PKD1L1: variants seen among roughly 807,000 people sequenced by gnomAD.
PKD1L1 encodes polycystin-1-like protein 1.
Under a neutral mutation model 323.4 loss-of-function variants are expected in PKD1L1, and 236 were observed. That is an observed-to-expected ratio of 0.73 (90% CI 0.66 to 0.81). The LOEUF (loss-of-function observed/expected upper bound fraction) is 0.81, where lower values mean the gene tolerates loss of function less well. PKD1L1 is among the 40% of genes least tolerant of loss of function. The pLI is 0.00. For synonymous variants in PKD1L1, 1,344 were observed against 1,335.0 expected, an observed-to-expected ratio of 1.01 and a Z score of -0.15; for missense variants, 3,320 against 3,508.0, an observed-to-expected ratio of 0.95 and a Z score of 1.35.
intron 11 of PKD1L1, 102 bp from the exon 12 acceptor site, chr7:47,904,719 AG>A: frequency 1.8e-6 from 2 of 1,131,952 alleles, no homozygotes; most frequent in Admixed American, 2.7e-5. Context: ...AAGGCGGGGG[AG>A]GGGGAGGCAG....
intron 56 of PKD1L1, among the ~76,000 whole-genome samples, chr7:47,789,580 G>A (rs1315968969): frequency 6.6e-6 from 1 of 152,022 alleles, no homozygotes; most frequent in African/African-American, 2.4e-5. Context: ...GTATATTTGT[G>A]TGTGTTGTGA....
chr7:47,933,070 A>C (rs1787802829), intron 4 of PKD1L1, among the ~76,000 whole-genome samples: 2 of 152,214 alleles, frequency 1.3e-5, no homozygotes, highest in Admixed American at 1.3e-4. Context: ...GATGATGAGA[A>C]AGAAAAAGAA....
At chr7:47,841,018 C>T (rs1489144702) in intron 34 of PKD1L1, among the ~76,000 whole-genome samples, 1 of 152,198 alleles carries the variant, frequency 6.6e-6, no homozygotes, top group Non-Finnish European at 1.5e-5. Flanking sequence ...TTGTCGTTCT[C>T]ACTGGTATCT....
At chr7:47,838,940 T>TGAAATGTG (rs1480760930) in intron 36 of PKD1L1, among the ~76,000 whole-genome samples, 1 of 150,786 alleles carries the variant, frequency 6.6e-6, no homozygotes, top group Non-Finnish European at 1.5e-5. Flanking sequence ...CACAATTGTA[T>TGAAATGTG]GAAATGTGTT....
In PKD1L1 at chr7:47,855,851, G is replaced by C. The variant is rs532580589; in HGVS notation, c.4591-586C>G. On this transcript the variant is annotated intron_variant, in intron 28 of 56. Coordinates refer to ENST00000289672, the MANE Select transcript of PKD1L1 (RefSeq NM_138295.5). The stretch of plus-strand genomic sequence containing the variant: ...AGATCCCGCCACTGCACTCCAGCCT[G>C]GGCGACAGAGCGAGACTCCGTCTCA... 6.1e-4 allele frequency among the ~76,000 whole-genome samples: 46 copies of C among 75,674 alleles called. 4 individuals carry two copies. Among genetic ancestry groups the C allele is most frequent in the South Asian group, 1.1e-3 (3 of 2,838 alleles). 49.6% of individuals were successfully genotyped at this position (75,674 alleles called of 152,430 possible).
chr7:47,789,291 G>T (rs1786884933), intron 56 of PKD1L1, among the ~76,000 whole-genome samples: 1 of 152,042 alleles, frequency 6.6e-6, no homozygotes, highest in Non-Finnish European at 1.5e-5. Context: ...AAGTCAGTTT[G>T]TTGCATAATA....
intron 26 of PKD1L1, among the ~76,000 whole-genome samples, chr7:47,859,553 C>A (rs1785979501): frequency 6.6e-6 from 1 of 151,108 alleles, no homozygotes; most frequent in African/African-American, 2.4e-5. Flanking sequence ...AGCATAGCTC[C>A]CTGCAGACTT....
In PKD1L1 at chr7:47,827,444, G is replaced by C; in HGVS notation, c.6760C>G (p.Arg2254Gly). The change falls in exon 45 of 57, where the codon CGC becomes GGC. Residue 2254 changes from arginine (R) to glycine (G), a missense_variant. Transcript: ENST00000289672. ...EKVLAARQQA[R>G]HLRWAHPPSK... ...GGTGGATGCGCCCAGCGCAGGTGGC[G>C]AGCTTGTTGTCGGGCAGCCAAGACC... 1.2e-5 allele frequency: 19 copies of C among 1,611,106 alleles called. No individual in the cohort carries two copies. The highest frequency in any genetic ancestry group is 1.6e-5 in the Non-Finnish European group (19 of 1,179,356).
intron 30 of PKD1L1, among the ~76,000 whole-genome samples, 191 bp downstream of exon 30, chr7:47,854,691 G>A (rs1484739914): frequency 1.3e-5 from 2 of 152,138 alleles, no homozygotes; most frequent in Non-Finnish European, 2.9e-5. Context: ...TAACAGGCAG[G>A]AATTCAAACT....
At chr7:47,861,741 C>T (rs1786028974) in intron 26 of PKD1L1, among the ~76,000 whole-genome samples, 1 of 151,860 alleles carries the variant, frequency 6.6e-6, no homozygotes, top group Admixed American at 6.6e-5. Context: ...ATTAGCCGGG[C>T]ATGGTGGTGT....
At chr7:47,861,902 A>C (rs1346474680) in intron 26 of PKD1L1, among the ~76,000 whole-genome samples, 5 of 148,824 alleles carry the variant, frequency 3.4e-5, no homozygotes, top group African/African-American at 9.9e-5. Context: ...AAAAAAAAAA[A>C]AAAACAATTG....
chr7:47,810,556 C>T (rs780785913), intron 50 of PKD1L1, among the ~76,000 whole-genome samples: 1 of 143,646 alleles, frequency 7.0e-6, no homozygotes, highest in Non-Finnish European at 1.5e-5. Flanking sequence ...CACACCAGCG[C>T]GAGCTGAGCT....
chr7:47,927,091 G>A (rs2128754756), intron 7 of PKD1L1, among the ~76,000 whole-genome samples: 1 of 151,942 alleles, frequency 6.6e-6, no homozygotes, highest in South Asian at 2.1e-4. Flanking sequence ...GAAACCATGA[G>A]AGAATTGTTC....
intron 7 of PKD1L1, among the ~76,000 whole-genome samples, chr7:47,920,791 A>T (rs887465794): frequency 1.3e-5 from 2 of 152,198 alleles, no homozygotes; most frequent in Non-Finnish European, 2.9e-5. Flanking sequence ...TAAAGTGGGG[A>T]ATGGACGCTC....
chr7:47,870,246 T>C (rs1583634817), intron 24 of PKD1L1, among the ~76,000 whole-genome samples: 1 of 150,626 alleles, frequency 6.6e-6, no homozygotes, highest in Admixed American at 6.6e-5. Flanking sequence ...GAATAAAAAT[T>C]AGTGTAGAAA....
intron 46 of PKD1L1, 72 bp from the exon 47 acceptor site, chr7:47,815,529 T>C (rs997052206): frequency 2.6e-6 from 4 of 1,522,160 alleles, no homozygotes; most frequent in Non-Finnish European, 3.6e-6. Context: ...AACAAAAGCA[T>C]GTTTTCTTGC....
chr7:47,891,223 T>C (rs1773093453), intron 15 of PKD1L1, among the ~76,000 whole-genome samples: 1 of 152,156 alleles, frequency 6.6e-6, no homozygotes, highest in African/African-American at 2.4e-5. Context: ...TCAGAGTGTT[T>C]CCCTGTAGCA....
intron 55 of PKD1L1, chr7:47,795,379 C>A (rs1276791096): frequency 2.2e-6 from 1 of 455,158 alleles, no homozygotes; most frequent in Admixed American, 2.4e-5. Context: ...CTCTTGCCAC[C>A]ACCATGTAAG....
intron 15 of PKD1L1, among the ~76,000 whole-genome samples, chr7:47,892,068 A>T (rs1410015529): frequency 6.6e-6 from 1 of 152,190 alleles, no homozygotes; most frequent in Non-Finnish European, 1.5e-5. Flanking sequence ...CATTCCAGGC[A>T]TGGGGGATAT....
Sources: allele counts gnomAD v4.1 joint callset (sites outside exome capture counted in the v4.1 genomes callset), GRCh38; gene constraint gnomAD v4.1.1; transcripts MANE v1.5; gene names NCBI Gene and HGNC (gene_info 2026-07-23, HGNC 2026-07-21).